Variants in PKHD1L1 observed in about 807,000 individuals in gnomAD.
PKHD1L1 encodes PKHD1 like 1, also known as fibrocystin-L.
In PKHD1L1, 434 loss-of-function variants were observed where a neutral mutation model predicts 462.9. The observed-to-expected ratio is 0.94, with a 90% CI of 0.87 to 1.02. The LOEUF (loss-of-function observed/expected upper bound fraction) is 1.02. PKHD1L1 is among the 50% of genes least tolerant of loss of function. The pLI is 0.00. For missense variants in PKHD1L1, 5,202 were observed against 5,096.1 expected (o/e 1.02, Z -0.63); for synonymous variants, 1,781 against 1,750.0 (o/e 1.02, Z -0.44).
intron 59 of PKHD1L1, 95 bp downstream of exon 59, chr8:109,486,916 G>C (rs781278780): frequency 2.4e-6 from 3 of 1,259,070 alleles, no homozygotes; most frequent in Admixed American, 2.4e-5. Context: ...TTTTTAATAA[G>C]ATTATGTGGG....
chr8:109,428,223 TA>T (rs1248830671), intron 25 of PKHD1L1, among the ~76,000 whole-genome samples: 1 of 152,010 alleles, frequency 6.6e-6, no homozygotes, highest in Non-Finnish European at 1.5e-5. Context: ...AATAATAAGA[TA>T]AATGTGAAAT....
intron 2 of PKHD1L1, among the ~76,000 whole-genome samples, chr8:109,366,803 C>T (rs1278478220): frequency 6.6e-6 from 1 of 151,476 alleles, no homozygotes; most frequent in Non-Finnish European, 1.5e-5. Context: ...AGCAATTGTC[C>T]TGCCTCAGCC....
chr8:109,535,728 G>A lies in PKHD1L1; in HGVS notation c.*5638G>A, dbSNP rs963264528. Among the ~76,000 whole-genome samples, 13 of 152,196 alleles carry A rather than the reference G, an allele frequency of 8.5e-5. No homozygotes were observed. The highest frequency in any genetic ancestry group is 3.1e-4 in the African/African-American group (13 of 41,430). On this transcript the variant is annotated 3_prime_UTR_variant, in exon 78 of 78. Transcript: ENST00000378402. ...ATATTTATATTAATCAGACAGCAAA[G>A]TAACAAACTGACTTAGAGGAAGGAA...
chr8:109,495,989 G>C (rs1183749573), intron 63 of PKHD1L1, among the ~76,000 whole-genome samples: 1 of 152,148 alleles, frequency 6.6e-6, no homozygotes, highest in South Asian at 2.1e-4. Context: ...GCTAGGCACT[G>C]TATGTGGGTT....
intron 57 of PKHD1L1, 95 bp from the exon 58 acceptor site, chr8:109,484,949 A>G (rs1195607664): frequency 3.9e-6 from 4 of 1,018,236 alleles, no homozygotes; most frequent in Non-Finnish European, 5.6e-6. Context: ...TGCCAATGAG[A>G]TATACATTAA....
At chr8:109,453,469 A>G (rs1281449471) in intron 43 of PKHD1L1, among the ~76,000 whole-genome samples, 2 of 152,230 alleles carry the variant, frequency 1.3e-5, no homozygotes, top group African/African-American at 4.8e-5. Context: ...TAAAAGAATC[A>G]TTAATTGGTA....
intron 23 of PKHD1L1, among the ~76,000 whole-genome samples, chr8:109,420,943 A>T (rs1451211655): frequency 2.0e-5 from 3 of 152,126 alleles, no homozygotes; most frequent in Non-Finnish European, 4.4e-5. Context: ...TTCTCTGTGG[A>T]CGTAAAAGAA....
intron 28 of PKHD1L1, among the ~76,000 whole-genome samples, 153 bp downstream of exon 28, chr8:109,433,369 C>G (rs1815218858): frequency 6.6e-6 from 1 of 152,148 alleles, no homozygotes; most frequent in East Asian, 1.9e-4. Flanking sequence ...AATTGGCAAC[C>G]TGGTCTATAT....
intron 30 of PKHD1L1, 92 bp downstream of exon 30, chr8:109,436,551 G>A: frequency 6.5e-7 from 1 of 1,535,314 alleles, no homozygotes; most frequent in Non-Finnish European, 8.7e-7. Context: ...TGAAACAAGT[G>A]GTGTATTTAC....
chr8:109,498,720 C>T lies in PKHD1L1; in HGVS notation c.10777C>T (p.His3593Tyr), dbSNP rs1437700311. ...SAHNMAPRKP[H>Y]AGIMSYNAIS... is the part of the protein sequence containing the mutation. ...TCATAACATGGCACCCCGAAAGCCC[C>T]ATGCAGGAATCATGAGTTACAATGC... The change falls in exon 67 of 78, where the codon CAT becomes TAT. Residue 3593 changes from histidine (H) to tyrosine (Y), a missense_variant. Transcript: ENST00000378402. The T allele has an allele frequency of 2.5e-6, 4 of 1,613,856 alleles. No homozygotes were observed. The highest frequency in any genetic ancestry group is 3.4e-6 in the Non-Finnish European group (4 of 1,179,892).
rs777903472 is a variant in PKHD1L1 at position 109,409,901 on chromosome 8, T to G, written c.2008T>G (p.Cys670Gly). ...GAVEEMVSTK[C>G]PPQIANFEEG... is the part of the protein sequence containing the mutation. The stretch of plus-strand genomic sequence containing the variant: ...AGTGGAAGAAATGGTTAGCACTAAG[T>G]GTCCACCACAAATTGCAAATTTTGA... Residue 670 changes from cysteine (C) to glycine (G), a missense_variant, in exon 19 of 78, where the codon TGT becomes GGT. Cys to Gly is a radical substitution (Grantham distance 159). Transcript: ENST00000378402. 1.1e-5 allele frequency: 17 copies of G among 1,606,484 alleles called. No individual in the cohort carries two copies. The highest frequency in any genetic ancestry group is 5.1e-5 in the Admixed American group (3 of 58,534).
rs1187957907 is a variant in PKHD1L1 at position 109,518,619 on chromosome 8, C to T, written c.12031+111C>T. Reference sequence around the variant, plus strand: ...GCCTCAGGAAATCCCATCAACCCCACATCCTGAACCCTCTAAGTGCCCAGA... The same window carrying T: ...GCCTCAGGAAATCCCATCAACCCCATATCCTGAACCCTCTAAGTGCCCAGA... On this transcript the variant is annotated intron_variant, in intron 73 of 77. Transcript: ENST00000378402. 9 of 842,668 alleles carry T rather than the reference C, an allele frequency of 1.1e-5. No homozygotes were observed. The Admixed American group carries it at 1.5e-4, about 14-fold the overall frequency. 52.2% of individuals were successfully genotyped at this position (842,668 alleles called of 1,614,324 possible). A position where few individuals can be genotyped will look rare whatever the true frequency, so the allele number is the denominator to read the frequency against.
intron 21 of PKHD1L1, among the ~76,000 whole-genome samples, chr8:109,415,596 G>A (rs2130620173): frequency 6.6e-6 from 1 of 152,124 alleles, no homozygotes; most frequent in Admixed American, 6.5e-5. Flanking sequence ...CAGGTGGGTG[G>A]GAGCATATCA....
chr8:109,454,202 C>T lies in PKHD1L1; in HGVS notation c.6700C>T (p.Leu2234Phe), dbSNP rs200130782. 5.0e-6 allele frequency: 8 copies of T among 1,608,504 alleles called. No homozygotes were observed. The highest frequency in any genetic ancestry group is 6.8e-6 in the Non-Finnish European group (8 of 1,177,196). ...TLIFDEADIE[L>F]QAENILITDG... is the part of the protein sequence containing the mutation. ...AATATTTGATGAAGCTGACATTGAA[C>T]TCCAGGCAGAAAATATTCTAATTAC... Residue 2234 changes from leucine (L) to phenylalanine (F), a missense_variant, in exon 44 of 78, where the codon CTC becomes TTC. Coordinates refer to ENST00000378402, the MANE Select transcript of PKHD1L1 (RefSeq NM_177531.6).
chr8:109,504,545 C>A, intron 68 of PKHD1L1, 53 bp downstream of exon 68: 5 of 1,098,120 alleles, frequency 4.6e-6, no homozygotes, highest in Admixed American at 3.9e-5. Flanking sequence ...TTCATTCTCA[C>A]TTCCTCCTGC....
chr8:109,469,741 C>T (rs959811952), intron 50 of PKHD1L1, among the ~76,000 whole-genome samples: 8 of 152,022 alleles, frequency 5.3e-5, no homozygotes, highest in African/African-American at 1.9e-4. Context: ...ATAATATAAA[C>T]CCAGAAACCT....
intron 45 of PKHD1L1, among the ~76,000 whole-genome samples, chr8:109,456,015 G>A (rs1816803126): frequency 6.6e-6 from 1 of 152,060 alleles, no homozygotes; most frequent in African/African-American, 2.4e-5. Context: ...GTTATAAATA[G>A]GGTATATCAT....
chr8:109,464,775 T>G lies in PKHD1L1; in HGVS notation c.7943T>G (p.Phe2648Cys). Residue 2648 changes from phenylalanine (F) to cysteine (C), a missense_variant, in exon 49 of 78, where the codon TTT becomes TGT. Phe to Cys is a radical substitution (Grantham distance 205). Coordinates refer to ENST00000378402, the MANE Select transcript of PKHD1L1 (RefSeq NM_177531.6). ...CTSTVPAPAI[F>C]NSLTTWNCQK... ...TCTACAGTGCCTGCACCTGCAATAT[T>G]TAACTCACTTACTACTTGGAATTGT... The G allele has an allele frequency of 6.2e-7, 1 of 1,613,816 alleles. No homozygotes were observed. The highest frequency in any genetic ancestry group is 1.1e-5 in the South Asian group (1 of 91,084).
In PKHD1L1 at chr8:109,530,154, A is replaced by T; in HGVS notation, c.*64A>T. ...GAATTATTAGCTACTTTGTTGGGCA[A>T]TAGGCAAAAGTCTATAGCATTTTCA... is the stretch of plus-strand genomic sequence containing the variant. On this transcript the variant is annotated 3_prime_UTR_variant, in exon 78 of 78. Transcript: ENST00000378402. 1 of 1,057,358 alleles carries T rather than the reference A, an allele frequency of 9.5e-7. No homozygotes were observed. The highest frequency in any genetic ancestry group is 1.3e-6 in the Non-Finnish European group (1 of 784,846). 65.5% of individuals were successfully genotyped at this position (1,057,358 alleles called of 1,614,324 possible). A position where few individuals can be genotyped will look rare whatever the true frequency, so the allele number is the denominator to read the frequency against.
Sources: allele counts gnomAD v4.1 joint callset (sites outside exome capture counted in the v4.1 genomes callset), GRCh38; gene constraint gnomAD v4.1.1; transcripts MANE v1.5; gene names NCBI Gene and HGNC (gene_info 2026-07-23, HGNC 2026-07-21).